NTRK1: variants seen among roughly 807,000 people sequenced by gnomAD.
NTRK1 encodes the protein high affinity nerve growth factor receptor.
A neutral mutation model predicts 86.8 loss-of-function variants in NTRK1; 62 were observed. The ratio of observed to expected loss-of-function variants is 0.71; its 90% confidence interval spans 0.58 to 0.88. The LOEUF (loss-of-function observed/expected upper bound fraction) is 0.88. Among genes scored for constraint, NTRK1 ranks in the 40% least tolerant of loss-of-function variants. The pLI is 0.00. For missense variants in NTRK1, 967 were observed against 1,078.4 expected, an observed-to-expected ratio of 0.90 and a Z score of 1.45; for synonymous variants, 469 against 456.6, an observed-to-expected ratio of 1.03 and a Z score of -0.35.
intron 2 of NTRK1, chr1:156,842,601 C>T: frequency 2.2e-6 from 2 of 898,732 alleles, no homozygotes; most frequent in South Asian, 2.8e-5. Flanking sequence ...CTGACTCAGA[C>T]ACCAAACCTG....
At chr1:156,848,031 T>C (rs1421463436) in intron 2 of NTRK1, among the ~76,000 whole-genome samples, 1 of 152,136 alleles carries the variant, frequency 6.6e-6, no homozygotes, top group Non-Finnish European at 1.5e-5. Context: ...TGTGAATTCT[T>C]GGGCCCTGCT....
intron 2 of NTRK1, among the ~76,000 whole-genome samples, chr1:156,843,986 C>T (rs1316204698): frequency 6.6e-6 from 1 of 152,172 alleles, no homozygotes; most frequent in East Asian, 1.9e-4. Context: ...CCAGGAAAGT[C>T]CCAGGCTAAC....
At chr1:156,873,264 C>T (rs1251823136) in intron 7 of NTRK1, among the ~76,000 whole-genome samples, 2 of 151,950 alleles carry the variant, frequency 1.3e-5, no homozygotes, top group Non-Finnish European at 2.9e-5. Flanking sequence ...TTGTTAGGGC[C>T]CCTGACCCAT....
Position 156,861,049 on chromosome 1 carries a change from G to A in NTRK1, c.115G>A (p.Ala39Thr), listed in dbSNP as rs774550285. Residue 39 changes from alanine (A) to threonine (T), a missense_variant, in exon 1 of 17, where the codon GCC (alanine) becomes ACC (threonine). Physicochemically the swap from Ala to Thr is moderately conservative, Grantham distance 58 (BLOSUM62 0). This residue lies in a region of NTRK1 where 330 missense variants were observed against 302.0 expected (regional missense o/e 1.09). Coordinates refer to ENST00000524377, the MANE Select transcript of NTRK1 (RefSeq NM_002529.4). ...TGCGGGCGCCGCACCCTGCCCCGATGCCTGCTGCCCCCACGGCTCCTCGGG... is the reference window on the plus strand; with the variant it reads ...TGCGGGCGCCGCACCCTGCCCCGATACCTGCTGCCCCCACGGCTCCTCGGG... ...ASAGAAPCPDACCPHGSSGLR... is the reference protein window; with the variant it reads ...ASAGAAPCPDTCCPHGSSGLR... 3.8e-6 allele frequency: 6 copies of A among 1,559,236 alleles called. No individual in the cohort carries two copies. The highest frequency in any genetic ancestry group is 5.2e-6 in the Non-Finnish European group (6 of 1,157,240).
intron 1 of NTRK1, among the ~76,000 whole-genome samples, chr1:156,822,691 C>T (rs1654220129): frequency 6.6e-6 from 1 of 151,308 alleles, no homozygotes; most frequent in South Asian, 2.1e-4. Flanking sequence ...CATTTCCCTC[C>T]TCCATTCCAG....
At chr1:156,817,893 T>C (rs1654058766) in intron 1 of NTRK1, among the ~76,000 whole-genome samples, 1 of 152,200 alleles carries the variant, frequency 6.6e-6, no homozygotes, top group African/African-American at 2.4e-5. Flanking sequence ...TCCACCCACC[T>C]CGGCCTCCCA....
intron 7 of NTRK1, among the ~76,000 whole-genome samples, chr1:156,873,018 A>AGTGTGTGT (rs55870362): frequency 0.12 from 15,150 of 130,834 alleles, 978 homozygotes; most frequent in East Asian, 0.23. Context: ...TTTCAAAAAG[A>AGTGTGTGT]GTGTGTGTGT....
intron 1 of NTRK1, among the ~76,000 whole-genome samples, chr1:156,829,928 C>T (rs959590334): frequency 1.3e-5 from 2 of 152,218 alleles, no homozygotes; most frequent in Non-Finnish European, 2.9e-5. Flanking sequence ...GCTGGGATTA[C>T]AGGCATGAGC....
chr1:156,843,290 C>T, intron 2 of NTRK1: 2 of 1,576,044 alleles, frequency 1.3e-6, no homozygotes, highest in South Asian at 2.2e-5. Flanking sequence ...ACACCTCACC[C>T]CCCAACTTCT....
rs606231466 is a variant in NTRK1 at position 156,868,651 on chromosome 1, A to T, written c.717+4A>T. The T allele has an allele frequency of 1.3e-6, 2 of 1,550,606 alleles. No homozygotes were observed. The highest frequency in any genetic ancestry group is 1.7e-6 in the Non-Finnish European group (2 of 1,146,980). ...GGAGCAGTCAGCCACGGTGATGGTG[A>T]GAAGACCTTCGCTGGCAGCCCCCAA... is the stretch of plus-strand genomic sequence containing the variant. On this transcript the variant is annotated splice_donor_region_variant and intron_variant, in intron 6 of 16. Transcript: ENST00000524377.
intron 2 of NTRK1, among the ~76,000 whole-genome samples, chr1:156,846,970 C>T (rs1223372383): frequency 6.6e-6 from 1 of 152,140 alleles, no homozygotes; most frequent in East Asian, 1.9e-4. Context: ...TGATATAGCT[C>T]CTCATCCTTA....
intron 6 of NTRK1, among the ~76,000 whole-genome samples, chr1:156,871,093 T>C (rs1159636099): frequency 2.0e-5 from 3 of 152,234 alleles, no homozygotes; most frequent in East Asian, 1.9e-4. Context: ...CAGGAATGAA[T>C]AGGCAGTGAG....
chr1:156,819,218 G>T (rs559070353), intron 1 of NTRK1, among the ~76,000 whole-genome samples: 56 of 152,292 alleles, frequency 3.7e-4, no homozygotes, highest in African/African-American at 1.3e-3. Flanking sequence ...ATGTTGGCCA[G>T]GCTGGTCTCG....
At chr1:156,842,929 C>A in intron 2 of NTRK1, 1 of 1,199,406 alleles carries the variant, frequency 8.3e-7, no homozygotes, top group Non-Finnish European at 1.2e-6. Context: ...CTAACCTCAT[C>A]TCTGACCCTT....
At position 156,867,656 on chromosome 1, in the gene NTRK1, C is replaced by G. The variant is rs1423043537; in HGVS notation, c.429-448C>G. 2.7e-5 allele frequency among the ~76,000 whole-genome samples: 4 copies of G among 149,882 alleles called. No individual in the cohort carries two copies. The East Asian group carries it at 5.9e-4, about 22-fold the overall frequency. On this transcript the variant is annotated intron_variant, in intron 4 of 16. Coordinates refer to ENST00000524377, the MANE Select transcript of NTRK1 (RefSeq NM_002529.4). ...CTTATTTCTTTTCTTTTCTTTCTTT[C>G]TTTTCTTTTCTTTTCTTTTTTTTTT...
At position 156,854,565 on chromosome 1, in the gene NTRK1, C is replaced by T. The variant is rs373109448; in HGVS notation, c.51-9789C>T. Among the ~76,000 whole-genome samples the T allele has an allele frequency of 1.2e-4, 19 of 152,304 alleles. No homozygotes were observed. Among genetic ancestry groups the T allele is most frequent in the African/African-American group, 3.6e-4 (15 of 41,576 alleles). On this transcript the variant is annotated intron_variant, in intron 2 of 16. Coordinates refer to the NTRK1 transcript ENST00000392302. This position sits in a 1 kb window ranked among gnomAD's most constrained non-coding sequence, Gnocchi z 4.2. ...CCCATCTCCCCTTCTTGGTTAATAG[C>T]GACTTCATTCTTGCAGTCAGGCTCC... is the stretch of plus-strand genomic sequence containing the variant.
chr1:156,852,297 AC>A, intron 2 of NTRK1: 1 of 1,115,246 alleles, frequency 9.0e-7, no homozygotes, highest in Non-Finnish European at 1.3e-6. Flanking sequence ...CTCAATCTGC[AC>A]CCAGGTCCCT....
At chr1:156,842,563 C>G in intron 2 of NTRK1, 1 of 1,391,226 alleles carries the variant, frequency 7.2e-7, no homozygotes, top group Non-Finnish European at 1.0e-6. Context: ...CCCATTTGGC[C>G]AAAATTCTGA....
chr1:156,844,298 G>GT, intron 2 of NTRK1: 1 of 1,594,062 alleles, frequency 6.3e-7, no homozygotes. Context: ...TCAGAGGGCA[G>GT]CAGAGGGTAG....
Sources: allele counts gnomAD v4.1 joint callset (sites outside exome capture counted in the v4.1 genomes callset), GRCh38; gene constraint gnomAD v4.1.1; regional missense constraint gnomAD v4.1.1; non-coding constraint Gnocchi (gnomAD v3.1); transcripts MANE v1.5; gene names NCBI Gene and HGNC (gene_info 2026-07-23, HGNC 2026-07-21).